ZCCHC7: variants seen among roughly 807,000 people sequenced by gnomAD.
ZCCHC7 encodes the protein zinc finger CCHC-type containing 7, also known as zinc finger CCHC domain-containing protein 7.
Under a neutral mutation model 52.0 loss-of-function variants are expected in ZCCHC7, and 35 were observed. That is an observed-to-expected ratio of 0.67 (90% CI 0.51 to 0.89). The LOEUF (loss-of-function observed/expected upper bound fraction) is 0.89, where lower values mean the gene tolerates loss of function less well. Among genes scored for constraint, ZCCHC7 ranks in the 40% least tolerant of loss-of-function variants. The pLI, the probability that ZCCHC7 is intolerant of heterozygous loss-of-function variation, is 0.00. For missense variants in ZCCHC7, 574 were observed against 649.1 expected (o/e 0.88, Z 1.26); for synonymous variants, 217 against 221.5 (o/e 0.98, Z 0.18).
At chr9:37,339,905 G>A (rs1830840897) in intron 6 of ZCCHC7, among the ~76,000 whole-genome samples, 1 of 152,100 alleles carries the variant, frequency 6.6e-6, no homozygotes, top group East Asian at 1.9e-4. Flanking sequence ...TTTAGATAAG[G>A]GCAGCTGAAG....
intron 2 of ZCCHC7, chr9:37,186,598 T>G (rs971859918): frequency 2.8e-5 from 11 of 398,532 alleles, no homozygotes; most frequent in Non-Finnish European, 4.8e-5. Flanking sequence ...AACTGAAGTT[T>G]GCTTGCATTT....
chr9:37,225,709 A>G (rs1825063344), intron 2 of ZCCHC7, among the ~76,000 whole-genome samples: 1 of 152,256 alleles, frequency 6.6e-6, no homozygotes, highest in South Asian at 2.1e-4. Context: ...AGATGCAGAT[A>G]AAGCATTTTA....
At chr9:37,236,583 A>T (rs1225466678) in intron 2 of ZCCHC7, among the ~76,000 whole-genome samples, 1 of 151,980 alleles carries the variant, frequency 6.6e-6, no homozygotes, top group East Asian at 1.9e-4. Flanking sequence ...TTTAGCAGAG[A>T]CAGGGTTTCA....
chr9:37,291,984 C>T lies in ZCCHC7; in HGVS notation c.611-10204C>T, dbSNP rs566334086. Among the ~76,000 whole-genome samples the T allele has an allele frequency of 8.9e-4, 136 of 152,266 alleles. 1 individual carries two copies. The highest frequency in any genetic ancestry group is 3.2e-3 in the African/African-American group (132 of 41,550). On this transcript the variant is annotated intron_variant, in intron 2 of 8. Transcript: ENST00000336755. ...CTGGGATTACAGGCGTGAGCCACTG[C>T]GCCTGGCCATGTTTTACAGTTATTA...
chr9:37,274,890 C>T (rs530435717), intron 2 of ZCCHC7, among the ~76,000 whole-genome samples: 1 of 152,000 alleles, frequency 6.6e-6, no homozygotes, highest in Non-Finnish European at 1.5e-5. Context: ...TGTCCCAGCA[C>T]CATTTATTGA....
intron 5 of ZCCHC7, among the ~76,000 whole-genome samples, chr9:37,313,816 C>T (rs1435645178): frequency 6.6e-6 from 1 of 152,198 alleles, no homozygotes; most frequent in Non-Finnish European, 1.5e-5. Context: ...GCCTCCTCAG[C>T]CATGCTTCCT....
chr9:37,316,203 G>T (rs1289890258), intron 5 of ZCCHC7, among the ~76,000 whole-genome samples: 2 of 152,044 alleles, frequency 1.3e-5, no homozygotes, highest in Non-Finnish European at 2.9e-5. Context: ...GGGACTACAG[G>T]CACGCACTAC....
chr9:37,120,722 C>A, intron 1 of ZCCHC7, 99 bp downstream of exon 1: 2 of 362,360 alleles, frequency 5.5e-6, no homozygotes, highest in South Asian at 1.4e-4. Context: ...CGTGCCCCCT[C>A]GCCGGCCTCG....
At chr9:37,156,433 C>T (rs1251313905) in intron 2 of ZCCHC7, among the ~76,000 whole-genome samples, 4 of 152,132 alleles carry the variant, frequency 2.6e-5, no homozygotes, top group African/African-American at 9.7e-5. Flanking sequence ...TATCTTTTCC[C>T]GTAAACGCCA....
intron 2 of ZCCHC7, among the ~76,000 whole-genome samples, chr9:37,175,958 C>T (rs1822000758): frequency 6.6e-6 from 1 of 152,006 alleles, no homozygotes. Context: ...TGTCTTTTAT[C>T]AAAAATGTAA....
At chr9:37,276,571 A>G (rs910489644) in intron 2 of ZCCHC7, among the ~76,000 whole-genome samples, 2 of 152,204 alleles carry the variant, frequency 1.3e-5, no homozygotes, top group Non-Finnish European at 2.9e-5. Context: ...CAGTCCCTCA[A>G]TAGATGTTAA....
intron 5 of ZCCHC7, among the ~76,000 whole-genome samples, chr9:37,316,255 T>C (rs929170758): frequency 1.3e-5 from 2 of 151,660 alleles, no homozygotes; most frequent in South Asian, 2.1e-4. Flanking sequence ...AGATGGGGTT[T>C]CGCCATGTTG....
intron 2 of ZCCHC7, among the ~76,000 whole-genome samples, chr9:37,184,687 T>TTTG (rs56220914): frequency 0.26 from 38,837 of 150,390 alleles, 5,179 homozygotes; most frequent in South Asian, 0.33. Context: ...TGTCTGGTGA[T>TTTG]TTGTTGTTGT....
chr9:37,277,876 A>G (rs186074842), intron 2 of ZCCHC7, among the ~76,000 whole-genome samples: 331 of 152,300 alleles, frequency 2.2e-3, no homozygotes, highest in Admixed American at 2.7e-3. Flanking sequence ...CAAGATGTAG[A>G]ATACAATCCA....
At chr9:37,201,559 A>T (rs924408004) in intron 2 of ZCCHC7, among the ~76,000 whole-genome samples, 2 of 152,254 alleles carry the variant, frequency 1.3e-5, no homozygotes, top group Admixed American at 6.5e-5. Context: ...TCAAAAACAC[A>T]AGATCACTTT....
chr9:37,177,950 AAAG>A (rs1247691396), intron 2 of ZCCHC7, among the ~76,000 whole-genome samples: 6 of 152,224 alleles, frequency 3.9e-5, no homozygotes, highest in Non-Finnish European at 8.8e-5. Context: ...ATTAAAAACT[AAAG>A]AAATCATGTA....
intron 6 of ZCCHC7, among the ~76,000 whole-genome samples, chr9:37,348,054 G>T (rs1821104880): frequency 6.6e-6 from 1 of 152,116 alleles, no homozygotes; most frequent in Non-Finnish European, 1.5e-5. Flanking sequence ...TGTCCATGGT[G>T]ATCCTGTCCA....
At chr9:37,283,617 A>G (rs1588610009) in intron 2 of ZCCHC7, among the ~76,000 whole-genome samples, 2 of 152,284 alleles carry the variant, frequency 1.3e-5, no homozygotes, top group South Asian at 4.1e-4. Flanking sequence ...TCTAAGAGTC[A>G]CTTTTTTGGG....
At chr9:37,171,511 G>A (rs1821725960) in intron 2 of ZCCHC7, among the ~76,000 whole-genome samples, 2 of 152,138 alleles carry the variant, frequency 1.3e-5, no homozygotes, top group African/African-American at 4.8e-5. Flanking sequence ...TCGAATTCCT[G>A]GGCTTGAGGA....
Sources: allele counts gnomAD v4.1 joint callset (sites outside exome capture counted in the v4.1 genomes callset), GRCh38; gene constraint gnomAD v4.1.1; transcripts MANE v1.5; gene names NCBI Gene and HGNC (gene_info 2026-07-23, HGNC 2026-07-21).